STK32B: variants seen among roughly 807,000 people sequenced by gnomAD.
STK32B encodes serine/threonine kinase 32B.
STK32B carries 43 observed loss-of-function variants against 52.6 expected under a neutral mutation model. That is an observed-to-expected ratio of 0.82 (90% CI 0.64 to 1.05). STK32B has a LOEUF of 1.05. STK32B is among the 50% of genes least tolerant of loss of function. The probability of loss-of-function intolerance (pLI) is 0.00; values close to 1 mark genes in which losing one functional copy is unlikely to be tolerated. For synonymous variants in STK32B, 238 were observed against 204.3 expected (o/e 1.17, Z -1.41); for missense variants, 621 against 534.6 (o/e 1.16, Z -1.59).
At chr4:5,492,332 T>G (rs1719806780) in intron 11 of STK32B, among the ~76,000 whole-genome samples, 1 of 152,196 alleles carries the variant, frequency 6.6e-6, no homozygotes, top group South Asian at 2.1e-4. Context: ...TTTTATTCTC[T>G]TTGAAGCAAT....
intron 2 of STK32B, among the ~76,000 whole-genome samples, chr4:5,140,637 G>GC (rs1334396418): frequency 1.3e-5 from 2 of 152,170 alleles, no homozygotes; most frequent in Admixed American, 6.5e-5. Context: ...TGGGATTTGA[G>GC]CTGAAGGCTG....
intron 1 of STK32B, among the ~76,000 whole-genome samples, chr4:5,054,013 A>G (rs1253777456): frequency 6.6e-6 from 1 of 151,950 alleles, no homozygotes; most frequent in Non-Finnish European, 1.5e-5. Context: ...ATATAAATAA[A>G]TATAAGGTTA....
At chr4:5,327,294 A>G (rs1183958201) in intron 3 of STK32B, among the ~76,000 whole-genome samples, 2 of 150,716 alleles carry the variant, frequency 1.3e-5, no homozygotes, top group South Asian at 2.1e-4. Flanking sequence ...CTCATGAATC[A>G]TGAATGTTCT....
intron 3 of STK32B, among the ~76,000 whole-genome samples, chr4:5,317,245 T>C (rs1364003888): frequency 2.8e-5 from 1 of 35,300 alleles, no homozygotes; most frequent in Non-Finnish European, 3.8e-5. Flanking sequence ...ATATATATAT[T>C]ATATATAACA....
chr4:5,205,288 G>C (rs1722478083), intron 3 of STK32B, among the ~76,000 whole-genome samples: 2 of 152,180 alleles, frequency 1.3e-5, no homozygotes, highest in African/African-American at 2.4e-5. Context: ...TGTCCAGCTT[G>C]CAGATGACAA....
At chr4:5,323,243 G>A (rs1731639217) in intron 3 of STK32B, among the ~76,000 whole-genome samples, 2 of 152,092 alleles carry the variant, frequency 1.3e-5, no homozygotes, top group Non-Finnish European at 2.9e-5. Flanking sequence ...TACCTCTTGA[G>A]TTCTGAAATG....
At chr4:5,317,042 T>C (rs569861408) in intron 3 of STK32B, among the ~76,000 whole-genome samples, 1 of 18,770 alleles carries the variant, frequency 5.3e-5, no homozygotes, top group Admixed American at 1.1e-3. Flanking sequence ...TATAATATAT[T>C]ATATATATAA....
At chr4:5,411,250 T>C (rs1711642210) in intron 5 of STK32B, among the ~76,000 whole-genome samples, 1 of 152,116 alleles carries the variant, frequency 6.6e-6, no homozygotes, top group Non-Finnish European at 1.5e-5. Flanking sequence ...TTAGCCAGGA[T>C]GGTCTCAATC....
At chr4:5,025,617 G>T in the STK32B span, among the ~76,000 whole-genome samples, 5 of 152,214 alleles carry the variant, frequency 3.3e-5, no homozygotes, top group Non-Finnish European at 7.3e-5. Flanking sequence ...GTGAGAACTT[G>T]CTTGATGGTA....
In STK32B at chr4:5,453,254, G is replaced by T. The variant is rs1395004858; in HGVS notation, c.667-3553G>T. 6.6e-6 allele frequency among the ~76,000 whole-genome samples: 1 copy of T among 151,912 alleles called. No individual in the cohort carries two copies. On this transcript the variant is annotated intron_variant, in intron 7 of 11. Coordinates refer to ENST00000282908, the MANE Select transcript of STK32B (RefSeq NM_018401.3). The surrounding 1 kb of genome is among the most constrained non-coding windows in gnomAD (Gnocchi z 4.0). ...GAGAGAGAGAGAGAGAGTAGCTCAT[G>T]TGGAGGTCCAGTGGAATAGCAGAAT...
chr4:5,274,146 T>C lies in STK32B; in HGVS notation c.261-57074T>C, dbSNP rs939798258. On this transcript the variant is annotated intron_variant, in intron 3 of 11. Coordinates refer to ENST00000282908, the MANE Select transcript of STK32B (RefSeq NM_018401.3). ...AAATTGACAAACTATTTCAAAAATA[T>C]ATGTGGAAATGCAAAAGACCTGGAA... 3.3e-5 allele frequency among the ~76,000 whole-genome samples: 5 copies of C among 152,042 alleles called. No individual in the cohort carries two copies. The East Asian group carries it at 9.6e-4, about 29-fold the overall frequency.
Position 5,453,557 on chromosome 4 carries a change from T to C in STK32B, c.667-3250T>C, listed in dbSNP as rs1406530517. ...TTTTCAGGGTAGGGGTGGGACTGTT[T>C]TGGGCAGAACTGTTTATTGAAAAGC... On this transcript the variant is annotated intron_variant, in intron 7 of 11. Coordinates refer to ENST00000282908, the MANE Select transcript of STK32B (RefSeq NM_018401.3). This position sits in a 1 kb window ranked among gnomAD's most constrained non-coding sequence, Gnocchi z 4.0. Among the ~76,000 whole-genome samples, 3 of 151,988 alleles carry C rather than the reference T, an allele frequency of 2.0e-5. No homozygotes were observed. The highest frequency in any genetic ancestry group is 4.4e-5 in the Non-Finnish European group (3 of 67,982).
chr4:5,415,890 C>T (rs1327011076), intron 5 of STK32B, among the ~76,000 whole-genome samples: 3 of 152,092 alleles, frequency 2.0e-5, no homozygotes, highest in Non-Finnish European at 4.4e-5. Flanking sequence ...ATGTGTTTTC[C>T]CATCTCTTGG....
At chr4:5,218,963 G>A (rs1437998567) in intron 3 of STK32B, among the ~76,000 whole-genome samples, 9 of 152,160 alleles carry the variant, frequency 5.9e-5, no homozygotes, top group Admixed American at 5.9e-4. Context: ...GCCAGGCAAG[G>A]AGACTCATAT....
In STK32B at chr4:5,398,870, G is replaced by T. The variant is rs1737099799; in HGVS notation, c.472+626G>T. ...AGCTCCCAGGTGGCTGATGCTGCTGGTCCATGGACCACACCTTGAGTAGCA... is the reference window on the plus strand; with the variant it reads ...AGCTCCCAGGTGGCTGATGCTGCTGTTCCATGGACCACACCTTGAGTAGCA... On this transcript the variant is annotated intron_variant, in intron 5 of 11. Coordinates refer to ENST00000282908, the MANE Select transcript of STK32B (RefSeq NM_018401.3). The surrounding 1 kb of genome is among the most constrained non-coding windows in gnomAD (Gnocchi z 4.9). Among the ~76,000 whole-genome samples the T allele has an allele frequency of 6.6e-6, 1 of 152,208 alleles. No homozygotes were observed. Among genetic ancestry groups the T allele is most frequent in the South Asian group, 2.1e-4 (1 of 4,838 alleles).
intron 2 of STK32B, among the ~76,000 whole-genome samples, chr4:5,141,868 A>G (rs980384016): frequency 2.6e-5 from 4 of 151,974 alleles, no homozygotes; most frequent in Non-Finnish European, 5.9e-5. Context: ...TTCCTATCTA[A>G]TGGTTTAGAG....
chr4:5,399,978 C>G lies in STK32B; in HGVS notation c.472+1734C>G, dbSNP rs1053953612. ...GGGGTCTGGAAGGCTGGGTTCCAGGCAGCATCCTCAAGGCTCTGTCCTATT... is the reference window on the plus strand; with the variant it reads ...GGGGTCTGGAAGGCTGGGTTCCAGGGAGCATCCTCAAGGCTCTGTCCTATT... On this transcript the variant is annotated intron_variant, in intron 5 of 11. Transcript: ENST00000282908. This position sits in a 1 kb window ranked among gnomAD's most constrained non-coding sequence, Gnocchi z 5.4. Among the ~76,000 whole-genome samples the G allele has an allele frequency of 2.6e-5, 4 of 152,206 alleles. No individual in the cohort carries two copies. Among genetic ancestry groups the G allele is most frequent in the Admixed American group, 2.6e-4 (4 of 15,286 alleles).
At position 5,285,420 on chromosome 4, in the gene STK32B, A is replaced by G. The variant is rs74442876; in HGVS notation, c.261-45800A>G. ...CTCAGTTTGAATATTTTAAAAACCT[A>G]TGTGTAGCCTATTTACAAGTGTCAT... On this transcript the variant is annotated intron_variant, in intron 3 of 11. Coordinates refer to ENST00000282908, the MANE Select transcript of STK32B (RefSeq NM_018401.3). 5.4e-3 allele frequency among the ~76,000 whole-genome samples: 820 copies of G among 152,308 alleles called. 8 individuals are homozygous for G. Among genetic ancestry groups the G allele is most frequent in the African/African-American group, 0.018 (753 of 41,564 alleles).
intron 3 of STK32B, among the ~76,000 whole-genome samples, chr4:5,206,765 A>G (rs1237822410): frequency 6.6e-6 from 1 of 152,214 alleles, no homozygotes; most frequent in Admixed American, 6.5e-5. Flanking sequence ...ACCCACGAAG[A>G]CAAAGACACA....
Sources: allele counts gnomAD v4.1 joint callset (sites outside exome capture counted in the v4.1 genomes callset), GRCh38; gene constraint gnomAD v4.1.1; non-coding constraint Gnocchi (gnomAD v3.1); transcripts MANE v1.5; gene names NCBI Gene and HGNC (gene_info 2026-07-23, HGNC 2026-07-21).